Variants in PCYT1B observed in about 807,000 individuals in gnomAD.
PCYT1B encodes choline-phosphate cytidylyltransferase B.
A neutral mutation model predicts 26.4 loss-of-function variants in PCYT1B; 10 were observed. The observed-to-expected ratio is 0.38, with a 90% CI of 0.23 to 0.64. The LOEUF is 0.64. Ranked by LOEUF, PCYT1B falls within the 30% of genes least tolerant of loss-of-function variation. The probability of loss-of-function intolerance (pLI) is 0.56; values close to 1 mark genes in which losing one functional copy is unlikely to be tolerated. For synonymous variants in PCYT1B, 131 were observed against 108.4 expected, an observed-to-expected ratio of 1.21 and a Z score of -1.29; for missense variants, 161 against 292.7, an observed-to-expected ratio of 0.55 and a Z score of 3.28.
intron 1 of PCYT1B, among the ~76,000 whole-genome samples, chrX:24,671,413 T>C (rs1272862665): frequency 1.8e-5 from 2 of 111,414 alleles, no homozygotes; most frequent in African/African-American, 3.3e-5. Flanking sequence ...GTAAAACTCA[T>C]GAGTCTTCAA....
chrX:24,648,448 A>ATTTTTT (rs1189695885), upstream of PCYT1B, among the ~76,000 whole-genome samples: 1 of 34,559 alleles, frequency 2.9e-5, no homozygotes, highest in East Asian at 1.2e-3. Flanking sequence ...GATTTGAAGG[A>ATTTTTT]ATTTTTTTTT....
At chrX:24,632,438 C>T (rs756944770) in intron 1 of PCYT1B, 24 of 154,449 alleles carry the variant, frequency 1.6e-4, no homozygotes, top group Non-Finnish European at 2.8e-4. Context: ...ATCATGAACT[C>T]ATTTGTCAAT....
chrX:24,614,153 C>G (rs1925407553), intron 2 of PCYT1B, among the ~76,000 whole-genome samples: 1 of 110,748 alleles, frequency 9.0e-6, no homozygotes, highest in Non-Finnish European at 1.9e-5. Flanking sequence ...CTAGCTAAGA[C>G]CAAAGGTGCC....
At position 24,619,072 on chromosome X, in the gene PCYT1B, G is replaced by C. The variant is rs773102500; in HGVS notation, c.130C>G (p.Pro44Ala). ...CPQPRLTLTA[P>A]APFADETNCQ... ...TTGGTTTCATCAGCAAATGGGGCAG[G>C]TGCAGTCAGGGTCTAGAAGGGAGAA... The change falls in exon 2 of 8, where the codon CCT becomes GCT. Residue 44 changes from proline (P) to alanine (A), a missense_variant. Coordinates refer to ENST00000379144, the MANE Select transcript of PCYT1B (RefSeq NM_004845.5). 11 of 1,189,679 alleles carry C rather than the reference G, an allele frequency of 9.2e-6. No homozygotes were observed. The highest frequency in any genetic ancestry group is 1.3e-5 in the Non-Finnish European group (11 of 879,539).
intron 1 of PCYT1B, among the ~76,000 whole-genome samples, chrX:24,621,611 G>A (rs779474282): frequency 9.0e-6 from 1 of 110,827 alleles, no homozygotes; most frequent in East Asian, 2.8e-4. Context: ...CAAGTAGCTG[G>A]GACTACAGGT....
At position 24,667,488 on chromosome X, in the gene PCYT1B, G is replaced by A. The variant is rs185471006; in HGVS notation, c.63+5082C>T. Among the ~76,000 whole-genome samples, 206 of 110,984 alleles carry A rather than the reference G, an allele frequency of 1.9e-3. 1 individual carries two copies. Among genetic ancestry groups the A allele is most frequent in the African/African-American group, 6.0e-3 (182 of 30,553 alleles). On this transcript the variant is annotated intron_variant, in intron 1 of 7. Coordinates refer to the PCYT1B transcript ENST00000379145. ...TCCCGACACTTTGGGAGGCCGAGGCGGGCAGTTCACTTGAGGTCAGGAGTT... is the reference window on the plus strand; with the variant it reads ...TCCCGACACTTTGGGAGGCCGAGGCAGGCAGTTCACTTGAGGTCAGGAGTT...
chrX:24,593,518 T>G (rs1270306821), intron 3 of PCYT1B, among the ~76,000 whole-genome samples: 1 of 88,789 alleles, frequency 1.1e-5, no homozygotes, highest in East Asian at 3.6e-4. Flanking sequence ...TTCTTTTCTT[T>G]CTTTCTTCCT....
intron 1 of PCYT1B, among the ~76,000 whole-genome samples, chrX:24,622,092 T>G (rs1372117380): frequency 1.8e-5 from 2 of 112,496 alleles, no homozygotes; most frequent in Admixed American, 9.5e-5. Context: ...TGACTATCTT[T>G]AACAGCAGTT....
At chrX:24,614,167 T>C (rs899554603) in intron 2 of PCYT1B, among the ~76,000 whole-genome samples, 1 of 110,941 alleles carries the variant, frequency 9.0e-6, no homozygotes, top group African/African-American at 3.3e-5. Context: ...AGGTGCCGAT[T>C]CTGATTGCTT....
At chrX:24,622,568 C>CCTGATAA (rs113695749) in intron 1 of PCYT1B, among the ~76,000 whole-genome samples, 16 of 112,300 alleles carry the variant, frequency 1.4e-4, no homozygotes, top group African/African-American at 3.9e-4. Flanking sequence ...AAAACTAAGG[C>CCTGATAA]CTGATAACAT....
At chrX:24,593,119 AT>A (rs1225589625) in intron 3 of PCYT1B, among the ~76,000 whole-genome samples, 1 of 111,167 alleles carries the variant, frequency 9.0e-6, no homozygotes, top group Non-Finnish European at 1.9e-5. Flanking sequence ...TAGCTGTCTT[AT>A]TTAGTTTTAT....
intron 7 of PCYT1B, among the ~76,000 whole-genome samples, chrX:24,564,897 T>C (rs1488622700): frequency 9.0e-6 from 1 of 111,101 alleles, no homozygotes; most frequent in Non-Finnish European, 1.9e-5. Flanking sequence ...CACTGACAGA[T>C]GGGACATGGG....
chrX:24,670,088 GAAAGA>G, intron 1 of PCYT1B, among the ~76,000 whole-genome samples: 2 of 89,225 alleles, frequency 2.2e-5, no homozygotes, highest in East Asian at 7.4e-4. Flanking sequence ...AAGAAAGAAA[GAAAGA>G]AAGAAAGAAA....
At chrX:24,633,504 C>T (rs148581116) in intron 1 of PCYT1B, among the ~76,000 whole-genome samples, 1,577 of 110,396 alleles carry the variant, frequency 0.014, 8 homozygotes, top group Middle Eastern at 0.028. Flanking sequence ...TGAACACCGT[C>T]TCTACTAAAA....
chrX:24,641,502 C>T (rs773658772), intron 1 of PCYT1B, among the ~76,000 whole-genome samples: 51 of 112,008 alleles, frequency 4.6e-4, no homozygotes, highest in African/African-American at 1.6e-3. Context: ...TATATGTATA[C>T]GTGAACTGTG....
rs1429740834 is a variant in PCYT1B at position 24,560,385 on chromosome X, A to C, written c.*1908T>G. 8.9e-6 allele frequency: 1 copy of C among 111,902 alleles called. No homozygotes were observed. The highest frequency in any genetic ancestry group is 1.9e-5 in the Non-Finnish European group (1 of 53,178). The allele number at this position is 111,902 out of a possible 1,213,427, so 9.2% of individuals were successfully genotyped here. The stretch of plus-strand genomic sequence containing the variant: ...GACTTGCATGGCTTGACCTGAGTGC[A>C]TGATGGAAGACAGAGACCAAATGGA... On this transcript the variant is annotated 3_prime_UTR_variant, in exon 8 of 8. Coordinates refer to ENST00000379144, the MANE Select transcript of PCYT1B (RefSeq NM_004845.5).
At chrX:24,641,322 A>T in intron 1 of PCYT1B, among the ~76,000 whole-genome samples, 1 of 112,073 alleles carries the variant, frequency 8.9e-6, no homozygotes, top group Non-Finnish European at 1.9e-5. Context: ...ATATCCATCT[A>T]GTTCTCTCCT....
At chrX:24,630,321 A>T (rs759839707) in intron 1 of PCYT1B, among the ~76,000 whole-genome samples, 3 of 111,725 alleles carry the variant, frequency 2.7e-5, no homozygotes, top group Non-Finnish European at 5.6e-5. Context: ...TTTGAGACAG[A>T]GTCTCGCTCT....
intron 1 of PCYT1B, among the ~76,000 whole-genome samples, chrX:24,653,798 C>T (rs1287534643): frequency 3.7e-5 from 4 of 109,083 alleles, no homozygotes; most frequent in African/African-American, 1.3e-4. Flanking sequence ...GTCACCCAGG[C>T]TGGAGTGTAG....
Sources: allele counts gnomAD v4.1 joint callset (sites outside exome capture counted in the v4.1 genomes callset), GRCh38; gene constraint gnomAD v4.1.1; transcripts MANE v1.5; gene names NCBI Gene and HGNC (gene_info 2026-07-23, HGNC 2026-07-21).